Variants in QTMAN observed in about 807,000 individuals in gnomAD.
QTMAN encodes tRNA-queuosine alpha-mannosyltransferase.
the QTMAN span, among the ~76,000 whole-genome samples, chr2:144,191,778 C>T: frequency 2.6e-4 from 40 of 152,178 alleles, no homozygotes; most frequent in South Asian, 8.3e-3. Flanking sequence ...ATATAAAATA[C>T]CAAAATAACC....
chr2:144,146,234 T>C, the QTMAN span, among the ~76,000 whole-genome samples: 5 of 148,630 alleles, frequency 3.4e-5, no homozygotes, highest in East Asian at 2.0e-4. Flanking sequence ...TTATCTAGTA[T>C]GGTCTTTTTC....
chr2:144,105,766 A>G, the QTMAN span, among the ~76,000 whole-genome samples: 2 of 152,100 alleles, frequency 1.3e-5, no homozygotes, highest in African/African-American at 4.8e-5. Flanking sequence ...CCACAAAGAT[A>G]CTCCTCGAGA....
chr2:144,329,816 C>T, the QTMAN span, among the ~76,000 whole-genome samples: 18 of 152,152 alleles, frequency 1.2e-4, no homozygotes, highest in Non-Finnish European at 1.8e-4. Flanking sequence ...TTCAGGACTT[C>T]CAGGCACTCT....
At chr2:144,165,474 T>C in the QTMAN span, among the ~76,000 whole-genome samples, 1 of 152,198 alleles carries the variant, frequency 6.6e-6, no homozygotes, top group Non-Finnish European at 1.5e-5. Context: ...TCTCAGTACA[T>C]ACTTGGCATA....
At chr2:144,132,892 C>A in the QTMAN span, among the ~76,000 whole-genome samples, 7 of 150,772 alleles carry the variant, frequency 4.6e-5, no homozygotes, top group African/African-American at 1.7e-4. Flanking sequence ...TCTCAATCCT[C>A]ATAACACACC....
the QTMAN span, among the ~76,000 whole-genome samples, chr2:144,066,652 C>A: frequency 2.0e-5 from 3 of 152,286 alleles, no homozygotes; most frequent in South Asian, 6.2e-4. Flanking sequence ...CCTGTCTGTA[C>A]TAAAAATACA....
the QTMAN span, among the ~76,000 whole-genome samples, chr2:144,297,904 A>G: frequency 6.6e-6 from 1 of 151,908 alleles, no homozygotes; most frequent in Non-Finnish European, 1.5e-5. Context: ...AAAAAAGAAA[A>G]AAAAAGTCTT....
chr2:144,129,883 C>A, the QTMAN span, among the ~76,000 whole-genome samples: 1 of 151,884 alleles, frequency 6.6e-6, no homozygotes, highest in Admixed American at 6.6e-5. Context: ...TTCATGAGAA[C>A]ACTTACTAAT....
chr2:144,290,472 T>C, the QTMAN span, among the ~76,000 whole-genome samples: 781 of 152,318 alleles, frequency 5.1e-3, 4 homozygotes, highest in Non-Finnish European at 7.7e-3. Context: ...CATTGTCTAT[T>C]TTCATCCCAA....
the QTMAN span, among the ~76,000 whole-genome samples, chr2:144,292,276 C>T: frequency 1.3e-5 from 2 of 152,218 alleles, no homozygotes; most frequent in African/African-American, 4.8e-5. Flanking sequence ...TGTGAGACCA[C>T]TACAGACTCT....
chr2:144,114,877 T>C, the QTMAN span, among the ~76,000 whole-genome samples: 1 of 152,116 alleles, frequency 6.6e-6, no homozygotes, highest in Non-Finnish European at 1.5e-5. Context: ...CACCAGAACA[T>C]ACTGCAGGCA....
the QTMAN span, among the ~76,000 whole-genome samples, chr2:144,108,781 G>C: frequency 6.6e-6 from 1 of 151,726 alleles, no homozygotes; most frequent in Admixed American, 6.6e-5. Context: ...GACTAACAGA[G>C]AGCCAAATCA....
chr2:144,200,796 C>A, the QTMAN span, among the ~76,000 whole-genome samples: 3 of 152,040 alleles, frequency 2.0e-5, no homozygotes, highest in Non-Finnish European at 4.4e-5. Context: ...GTATGGAATT[C>A]TTTGGTTTAA....
the QTMAN span, among the ~76,000 whole-genome samples, chr2:144,254,510 G>A: frequency 6.6e-6 from 1 of 152,236 alleles, no homozygotes; most frequent in Admixed American, 6.5e-5. Flanking sequence ...ACACCTGGAT[G>A]TCCAGGCAGA....
the QTMAN span, among the ~76,000 whole-genome samples, chr2:144,035,323 T>C: frequency 6.6e-6 from 1 of 152,174 alleles, no homozygotes; most frequent in Non-Finnish European, 1.5e-5. Context: ...CTTTTCTTTA[T>C]AAACTACCCA....
At chr2:144,316,016 T>C in the QTMAN span, among the ~76,000 whole-genome samples, 80 of 152,324 alleles carry the variant, frequency 5.3e-4, no homozygotes, top group South Asian at 1.7e-3. Context: ...AACACCCTAC[T>C]GCACAGTTGC....
chr2:143,982,844 ACT>A, the QTMAN span, among the ~76,000 whole-genome samples: 9 of 137,736 alleles, frequency 6.5e-5, no homozygotes, highest in Non-Finnish European at 1.4e-4. Context: ...GCTGAGCAAG[ACT>A]CTGTCTCAAA....
the QTMAN span, among the ~76,000 whole-genome samples, chr2:144,088,501 CT>C: frequency 1.3e-5 from 2 of 152,106 alleles, no homozygotes; most frequent in Admixed American, 1.3e-4. Context: ...AAAAAAGAGC[CT>C]AAATAGCCAA....
chr2:143,960,005 A>G, the QTMAN span, among the ~76,000 whole-genome samples: 8 of 152,142 alleles, frequency 5.3e-5, no homozygotes, highest in Non-Finnish European at 1.2e-4. Flanking sequence ...AGAGTGCGTC[A>G]AATGTAGTAA....
Sources: gnomAD v4.1 joint callset for allele counts (sites outside exome capture counted in the v4.1 genomes callset) on GRCh38, gnomAD v4.1.1 for gene constraint, MANE v1.5 for transcripts, NCBI Gene and HGNC (gene_info 2026-07-23, HGNC 2026-07-21) for gene names.